The following ZNG1B variants were observed in gnomAD, a reference collection of about 807,000 sequenced individuals.
ZNG1B encodes the protein zinc-regulated GTPase metalloprotein activator 1B.
the ZNG1B span, among the ~76,000 whole-genome samples, chr2:113,479,008 A>G: frequency 1.3e-5 from 2 of 152,222 alleles, no homozygotes; most frequent in South Asian, 4.1e-4. Context: ...ACCTTTTTAG[A>G]CTAAACAAAT....
chr2:113,452,142 C>T, the ZNG1B span, among the ~76,000 whole-genome samples: 1 of 152,156 alleles, frequency 6.6e-6, no homozygotes, highest in Non-Finnish European at 1.5e-5. Flanking sequence ...CCCTGTTACT[C>T]ACAAATCCTA....
the ZNG1B span, among the ~76,000 whole-genome samples, chr2:113,440,625 A>G: frequency 1.3e-5 from 2 of 152,124 alleles, no homozygotes; most frequent in African/African-American, 4.8e-5. Flanking sequence ...GTTATATACT[A>G]GAAAACTTAA....
chr2:113,477,825 C>G, the ZNG1B span, among the ~76,000 whole-genome samples: 1 of 152,194 alleles, frequency 6.6e-6, no homozygotes, highest in South Asian at 2.1e-4. Context: ...TTCCCATTTC[C>G]CTGTCTTCAT....
the ZNG1B span, among the ~76,000 whole-genome samples, chr2:113,451,091 G>A: frequency 0.014 from 1,357 of 94,826 alleles, no homozygotes; most frequent in East Asian, 0.025. Context: ...CCCAAAGCAA[G>A]GAGATGGTTA....
chr2:113,437,693 G>C, the ZNG1B span: 2 of 1,493,200 alleles, frequency 1.3e-6, no homozygotes, highest in South Asian at 2.6e-5. Context: ...GTGTGGCTAA[G>C]GGACGAGGCG....
chr2:113,440,712 C>A, the ZNG1B span, among the ~76,000 whole-genome samples: 86 of 147,530 alleles, frequency 5.8e-4, no homozygotes, highest in African/African-American at 1.9e-3. Context: ...TGGAAACAAA[C>A]CAAATGTCCA....
the ZNG1B span, among the ~76,000 whole-genome samples, chr2:113,477,160 A>G: frequency 6.6e-6 from 1 of 152,138 alleles, no homozygotes; most frequent in Admixed American, 6.5e-5. Context: ...CTGTGCTAGC[A>G]ATCAGCGAGA....
chr2:113,439,519 C>T, the ZNG1B span, among the ~76,000 whole-genome samples: 5 of 152,150 alleles, frequency 3.3e-5, no homozygotes, highest in East Asian at 9.6e-4. Flanking sequence ...TTATTCGTTG[C>T]ATGTTAGCCT....
chr2:113,448,737 G>A, the ZNG1B span, among the ~76,000 whole-genome samples: 7 of 151,904 alleles, frequency 4.6e-5, no homozygotes, highest in African/African-American at 7.2e-5. Context: ...ACCCCATCTC[G>A]GCTAAAAATA....
At chr2:113,446,743 TAC>T in the ZNG1B span, among the ~76,000 whole-genome samples, 471 of 141,638 alleles carry the variant, frequency 3.3e-3, 1 homozygote, top group Non-Finnish European at 5.4e-3. Context: ...CAAGACTGTA[TAC>T]ACACACACAC....
At chr2:113,491,983 A>C in the ZNG1B span, among the ~76,000 whole-genome samples, 1 of 127,770 alleles carries the variant, frequency 7.8e-6, no homozygotes, top group African/African-American at 2.8e-5. Flanking sequence ...AAAATCAAAA[A>C]AATAGTAGAT....
At chr2:113,467,867 T>C in the ZNG1B span, among the ~76,000 whole-genome samples, 1 of 134,206 alleles carries the variant, frequency 7.5e-6, no homozygotes. Flanking sequence ...CTTGGTATTA[T>C]GTAGCACAGA....
the ZNG1B span, among the ~76,000 whole-genome samples, chr2:113,473,516 A>G: frequency 1.3e-5 from 2 of 151,666 alleles, no homozygotes; most frequent in African/African-American, 2.4e-5. Context: ...AGAACTTCCA[A>G]CACTATGTTG....
At chr2:113,493,053 T>C in the ZNG1B span, among the ~76,000 whole-genome samples, 1 of 127,692 alleles carries the variant, frequency 7.8e-6, no homozygotes, top group Non-Finnish European at 1.7e-5. Context: ...GTGAGAGATT[T>C]ATCAAGATAA....
the ZNG1B span, among the ~76,000 whole-genome samples, chr2:113,446,890 G>A: frequency 1.3e-5 from 2 of 151,884 alleles, no homozygotes; most frequent in African/African-American, 4.8e-5. Flanking sequence ...TATGTTGAAT[G>A]GCAGCCTCAG....
the ZNG1B span, among the ~76,000 whole-genome samples, chr2:113,462,124 C>T: frequency 6.6e-6 from 1 of 152,006 alleles, no homozygotes; most frequent in African/African-American, 2.4e-5. Flanking sequence ...CTTTGTAGCA[C>T]AAGAGTAGCA....
chr2:113,450,048 A>G, the ZNG1B span, among the ~76,000 whole-genome samples: 15 of 147,414 alleles, frequency 1.0e-4, no homozygotes, highest in Non-Finnish European at 2.1e-4. Context: ...TTTTCTCCCT[A>G]CCTCCTTGAA....
At chr2:113,445,090 T>A in the ZNG1B span, 1 of 1,603,184 alleles carries the variant, frequency 6.2e-7, no homozygotes, top group South Asian at 1.1e-5. Flanking sequence ...CAGAATATAG[T>A]TCTGTGATAT....
the ZNG1B span, among the ~76,000 whole-genome samples, chr2:113,485,907 A>T: frequency 3.3e-5 from 5 of 152,028 alleles, no homozygotes; most frequent in African/African-American, 1.2e-4. Context: ...TTTTAGAGAC[A>T]ATTCCTCATT....
Sources: gnomAD v4.1 joint callset for allele counts (sites outside exome capture counted in the v4.1 genomes callset) on GRCh38, gnomAD v4.1.1 for gene constraint, MANE v1.5 for transcripts, NCBI Gene and HGNC (gene_info 2026-07-23, HGNC 2026-07-21) for gene names.